The following CRADD variants were observed in gnomAD, a reference collection of about 807,000 sequenced individuals.
The protein encoded by CRADD is CARD and death domain containing adaptor protein, also known as death domain-containing protein CRADD.
CRADD carries 9 observed loss-of-function variants against 15.5 expected under a neutral mutation model. The observed-to-expected ratio is 0.58, with a 90% confidence interval of 0.35 to 1.01. The LOEUF (loss-of-function observed/expected upper bound fraction) is 1.01. Ranked by LOEUF, CRADD falls within the 50% of genes least tolerant of loss-of-function variation. The probability of loss-of-function intolerance (pLI) is 0.02; values close to 1 mark genes in which losing one functional copy is unlikely to be tolerated. For missense variants in CRADD, 227 were observed against 250.3 expected, an observed-to-expected ratio of 0.91 and a Z score of 0.63; for synonymous variants, 118 against 107.6, an observed-to-expected ratio of 1.10 and a Z score of -0.60.
intron 2 of CRADD, among the ~76,000 whole-genome samples, chr12:93,764,337 G>C (rs1957003454): frequency 6.6e-6 from 1 of 152,054 alleles, no homozygotes. Flanking sequence ...AGGGAAGGGG[G>C]AGAATTCTAG....
intron 2 of CRADD, among the ~76,000 whole-genome samples, chr12:93,752,490 G>A (rs1430462583): frequency 6.6e-6 from 1 of 152,148 alleles, no homozygotes; most frequent in Non-Finnish European, 1.5e-5. Context: ...AGCTATGAGA[G>A]CTCAGGATCC....
At chr12:93,840,524 C>T (rs1015059396) in intron 2 of CRADD, among the ~76,000 whole-genome samples, 3 of 151,686 alleles carry the variant, frequency 2.0e-5, no homozygotes, top group Non-Finnish European at 4.4e-5. Flanking sequence ...TTTATCTCTT[C>T]CCTAGAAATG....
At chr12:93,761,472 T>A (rs758688371) in intron 2 of CRADD, among the ~76,000 whole-genome samples, 1 of 151,944 alleles carries the variant, frequency 6.6e-6, no homozygotes, top group Non-Finnish European at 1.5e-5. Context: ...AAGAGAGAAA[T>A]CAAGGATGAC....
intron 2 of CRADD, among the ~76,000 whole-genome samples, chr12:93,863,098 G>T (rs994898826): frequency 3.3e-5 from 5 of 152,006 alleles, no homozygotes; most frequent in African/African-American, 1.2e-4. Flanking sequence ...TATATGACTT[G>T]TATCCTTGCA....
chr12:93,804,365 A>G (rs547326965), intron 2 of CRADD, among the ~76,000 whole-genome samples: 95 of 152,262 alleles, frequency 6.2e-4, no homozygotes, highest in Admixed American at 1.0e-3. Context: ...CACATGTATG[A>G]TTTCAAATAT....
chr12:93,721,203 TAA>T (rs1956255355), intron 2 of CRADD, among the ~76,000 whole-genome samples: 1 of 152,200 alleles, frequency 6.6e-6, no homozygotes, highest in Non-Finnish European at 1.5e-5. Context: ...GTGCTGGGAT[TAA>T]CAGATGTGAG....
intron 2 of CRADD, among the ~76,000 whole-genome samples, chr12:93,859,707 G>A (rs1958303870): frequency 6.6e-6 from 1 of 151,812 alleles, no homozygotes; most frequent in Non-Finnish European, 1.5e-5. Context: ...AACACAAAAG[G>A]GTGGGAGATT....
chr12:93,774,989 T>G (rs556081321), intron 2 of CRADD, among the ~76,000 whole-genome samples: 1 of 152,308 alleles, frequency 6.6e-6, no homozygotes, highest in Admixed American at 6.5e-5. Flanking sequence ...GGGAATTTGA[T>G]CTGTCCTGAA....
intron 2 of CRADD, among the ~76,000 whole-genome samples, chr12:93,731,883 TC>T (rs879817272): frequency 1.3e-4 from 20 of 152,186 alleles, no homozygotes; most frequent in Non-Finnish European, 2.6e-4. Flanking sequence ...ACGCCTGTAA[TC>T]CCAGCACTTT....
At chr12:93,790,944 TGATAGTCCTACA>T (rs1565915481) in intron 2 of CRADD, among the ~76,000 whole-genome samples, 1 of 90,214 alleles carries the variant, frequency 1.1e-5, no homozygotes, top group Non-Finnish European at 2.2e-5. Flanking sequence ...CACACACTCT[TGATAGTCCTACA>T]GATGACTAAT....
rs111256753 is a variant in CRADD at position 93,882,191 on chromosome 12, G to C, written c.299-11859G>C. The stretch of plus-strand genomic sequence containing the variant: ...AATCCCAGCACTTTGGGAGGCCGAG[G>C]TGGGTGGATCACAAGGTCAGGAGTT... On this transcript the variant is annotated intron_variant, in intron 2 of 2. Coordinates refer to the CRADD transcript ENST00000548483. Among the ~76,000 whole-genome samples, 13 of 152,074 alleles carry C rather than the reference G, an allele frequency of 8.5e-5. No individual in the cohort carries two copies. The East Asian group carries it at 2.5e-3, about 29-fold the overall frequency.
intron 2 of CRADD, among the ~76,000 whole-genome samples, chr12:93,799,234 G>T (rs1957452454): frequency 6.6e-6 from 1 of 152,090 alleles, no homozygotes; most frequent in Non-Finnish European, 1.5e-5. Context: ...CCTTATTCTG[G>T]ATCATCTTCC....
At chr12:93,736,209 C>T (rs750268235) in intron 2 of CRADD, among the ~76,000 whole-genome samples, 1 of 152,096 alleles carries the variant, frequency 6.6e-6, no homozygotes, top group Non-Finnish European at 1.5e-5. Context: ...AGCCTCAAAG[C>T]AGAATCATGG....
chr12:93,750,692 C>T (rs1438488162), intron 2 of CRADD, among the ~76,000 whole-genome samples: 2 of 152,054 alleles, frequency 1.3e-5, no homozygotes, highest in African/African-American at 4.8e-5. Context: ...GCCATGCTCA[C>T]TATATATTTG....
Position 93,720,343 on chromosome 12 carries a change from A to G in CRADD, c.298+41271A>G, listed in dbSNP as rs146397561. On this transcript the variant is annotated intron_variant, in intron 2 of 2. Transcript: ENST00000332896. ...TTTATTAGAGTGTGTTTTATGGCCT[A>G]AAATGTGGTCTATCATGGTGAATAG... Among the ~76,000 whole-genome samples, 37 of 152,292 alleles carry G rather than the reference A, an allele frequency of 2.4e-4. 1 individual carries two copies. In the East Asian group the frequency reaches 6.4e-3, roughly 26 times the overall value.
intron 2 of CRADD, among the ~76,000 whole-genome samples, chr12:93,756,994 T>TCC (rs1269768652): frequency 6.6e-6 from 1 of 152,260 alleles, no homozygotes; most frequent in Non-Finnish European, 1.5e-5. Flanking sequence ...ATTTGTTCAC[T>TCC]TGATTACCAT....
chr12:93,889,136 TGTCTTCAAAGAGG>T (rs1305450362), intron 2 of CRADD, among the ~76,000 whole-genome samples: 20 of 152,186 alleles, frequency 1.3e-4, no homozygotes, highest in Admixed American at 1.3e-3. Flanking sequence ...CCAGCAGCCC[TGTCTTCAAAGAGG>T]GTCTGGAAGC....
At chr12:93,823,897 G>A (rs924748240) in intron 2 of CRADD, among the ~76,000 whole-genome samples, 2 of 152,172 alleles carry the variant, frequency 1.3e-5, no homozygotes, top group Non-Finnish European at 2.9e-5. Flanking sequence ...TGCACAGGCC[G>A]GGAAATTGTC....
intron 2 of CRADD, among the ~76,000 whole-genome samples, chr12:93,741,702 C>T (rs1372439082): frequency 6.6e-6 from 1 of 152,148 alleles, no homozygotes; most frequent in Non-Finnish European, 1.5e-5. Context: ...GGAGGTTAGA[C>T]GATGGGCTTT....
Sources: allele counts gnomAD v4.1 joint callset (sites outside exome capture counted in the v4.1 genomes callset), GRCh38; gene constraint gnomAD v4.1.1; transcripts MANE v1.5; gene names NCBI Gene and HGNC (gene_info 2026-07-23, HGNC 2026-07-21).